PCDHA8: variants seen among roughly 807,000 people sequenced by gnomAD.
PCDHA8 encodes protocadherin alpha-8.
PCDHA8 carries 53 observed loss-of-function variants against 61.8 expected under a neutral mutation model. The ratio of observed to expected loss-of-function variants is 0.86; its 90% CI spans 0.69 to 1.08. The LOEUF is 1.08. Ranked by LOEUF, PCDHA8 falls within the 50% of genes least tolerant of loss-of-function variation. The pLI, the probability that PCDHA8 is intolerant of heterozygous loss-of-function variation, is 0.00. For missense variants in PCDHA8, 1,293 were observed against 1,245.0 expected (o/e 1.04, Z -0.58); for synonymous variants, 618 against 556.6 (o/e 1.11, Z -1.55).
chr5:140,997,131 C>T (rs577407385), intron 3 of PCDHA8, among the ~76,000 whole-genome samples: 26 of 152,126 alleles, frequency 1.7e-4, no homozygotes, highest in African/African-American at 6.0e-4. Flanking sequence ...ACACAATGCC[C>T]CCACACCCCC....
chr5:140,930,594 A>G (rs1554207944), intron 1 of PCDHA8: 2 of 152,716 alleles, frequency 1.3e-5, no homozygotes, highest in East Asian at 3.9e-4. Flanking sequence ...GACTTCTCAT[A>G]GAAATCCTAG....
At chr5:141,006,238 G>T (rs1298883912) in intron 3 of PCDHA8, among the ~76,000 whole-genome samples, 1 of 151,428 alleles carries the variant, frequency 6.6e-6, no homozygotes, top group East Asian at 1.9e-4. Flanking sequence ...TTTAGATGGA[G>T]TCTTGCTCTG....
intron 1 of PCDHA8, chr5:140,927,229 C>G (rs781833160): frequency 1.2e-6 from 2 of 1,614,008 alleles, no homozygotes; most frequent in African/African-American, 1.3e-5. Context: ...GATTCGGATT[C>G]ACGTCCTGGA....
At chr5:140,848,581 G>C in intron 1 of PCDHA8, 1 of 1,595,130 alleles carries the variant, frequency 6.3e-7, no homozygotes, top group Non-Finnish European at 8.6e-7. Flanking sequence ...GTGGGGAGCG[G>C]CCAGCTCCAC....
chr5:140,889,086 A>G (rs1418981044), intron 1 of PCDHA8, among the ~76,000 whole-genome samples: 1 of 151,926 alleles, frequency 6.6e-6, no homozygotes, highest in Non-Finnish European at 1.5e-5. Flanking sequence ...TTAAATTTTC[A>G]AAACAATTTT....
chr5:140,850,137 A>G, intron 1 of PCDHA8: 1 of 1,595,786 alleles, frequency 6.3e-7, no homozygotes, highest in South Asian at 1.1e-5. Flanking sequence ...TCTGGGCAGC[A>G]ACGTGACGCT....
intron 1 of PCDHA8, among the ~76,000 whole-genome samples, chr5:140,972,665 T>A (rs1554234345): frequency 6.7e-6 from 1 of 148,584 alleles, no homozygotes; most frequent in Non-Finnish European, 1.5e-5. Flanking sequence ...ACCAAATTTT[T>A]TTTTTTTTTT....
intron 1 of PCDHA8, among the ~76,000 whole-genome samples, chr5:140,937,010 C>A (rs2091260078): frequency 6.6e-6 from 1 of 151,324 alleles, no homozygotes; most frequent in Non-Finnish European, 1.5e-5. Context: ...GACAGACAAC[C>A]GATTAACAAG....
intron 1 of PCDHA8, chr5:140,967,191 A>G (rs781981464): frequency 6.2e-7 from 1 of 1,613,532 alleles, no homozygotes; most frequent in Non-Finnish European, 8.5e-7. Flanking sequence ...TTGGACATCA[A>G]CGACAACTCA....
At chr5:140,908,692 C>G (rs2074096551) in intron 1 of PCDHA8, among the ~76,000 whole-genome samples, 1 of 152,208 alleles carries the variant, frequency 6.6e-6, no homozygotes, top group South Asian at 2.1e-4. Context: ...CTGCCACTGA[C>G]ACCTCAAGCA....
At chr5:140,844,401 C>T (rs1299971759) in intron 1 of PCDHA8, among the ~76,000 whole-genome samples, 1 of 149,242 alleles carries the variant, frequency 6.7e-6, no homozygotes, top group Non-Finnish European at 1.5e-5. Context: ...GACCATTTTA[C>T]CATTTGGAGA....
intron 1 of PCDHA8, chr5:140,866,231 A>G (rs1467927263): frequency 1.3e-5 from 2 of 152,172 alleles, no homozygotes; most frequent in Non-Finnish European, 2.9e-5. Context: ...ACTAAATACT[A>G]TATACCAAAA....
chr5:140,965,424 G>A (rs2095899424), intron 1 of PCDHA8, among the ~76,000 whole-genome samples: 1 of 152,086 alleles, frequency 6.6e-6, no homozygotes, highest in African/African-American at 2.4e-5. Flanking sequence ...AGGAAGATAA[G>A]CTGCAGTCAT....
At chr5:140,939,841 T>C (rs1269688667) in intron 1 of PCDHA8, among the ~76,000 whole-genome samples, 5 of 152,344 alleles carry the variant, frequency 3.3e-5, no homozygotes, top group Middle Eastern at 3.4e-3. Context: ...TGCTTGTTGT[T>C]GTGTTCTGTA....
intron 1 of PCDHA8, chr5:140,883,577 G>C: frequency 1.2e-6 from 2 of 1,614,052 alleles, no homozygotes; most frequent in South Asian, 1.1e-5. Context: ...TTCGCTGTGG[G>C]CCACGGCCAG....
chr5:140,953,279 A>T (rs2153698724), intron 1 of PCDHA8, among the ~76,000 whole-genome samples: 1 of 152,188 alleles, frequency 6.6e-6, no homozygotes, highest in Non-Finnish European at 1.5e-5. Context: ...TTTGCTCTTT[A>T]TATGTGATTC....
intron 1 of PCDHA8, chr5:140,968,057 C>T (rs781959040): frequency 1.5e-5 from 24 of 1,613,992 alleles, no homozygotes; most frequent in East Asian, 6.7e-5. Context: ...GGACCGAGAG[C>T]GGGTGGCTGT....
intron 1 of PCDHA8, among the ~76,000 whole-genome samples, chr5:140,915,396 C>T (rs1554196881): frequency 6.6e-6 from 1 of 152,116 alleles, no homozygotes; most frequent in African/African-American, 2.4e-5. Context: ...CTAGGTATTT[C>T]TTATAGTCTT....
chr5:140,922,647 A>G (rs568444047), intron 1 of PCDHA8, among the ~76,000 whole-genome samples: 35 of 152,262 alleles, frequency 2.3e-4, no homozygotes, highest in Non-Finnish European at 4.6e-4. Context: ...ATCAAACAGT[A>G]AATATGGCTA....
Sources: allele counts gnomAD v4.1 joint callset (sites outside exome capture counted in the v4.1 genomes callset), GRCh38; gene constraint gnomAD v4.1.1; transcripts MANE v1.5; gene names NCBI Gene and HGNC (gene_info 2026-07-23, HGNC 2026-07-21).